Variants in USP39 observed in about 807,000 individuals in gnomAD.
The protein encoded by USP39 is ubiquitin carboxyl-terminal hydrolase 39.
Under a neutral mutation model 66.4 loss-of-function variants are expected in USP39, and 38 were observed. The ratio of observed to expected loss-of-function variants is 0.57; its 90% CI spans 0.44 to 0.75. The LOEUF is 0.75. Ranked by LOEUF, USP39 falls within the 30% of genes least tolerant of loss-of-function variation. The pLI is 0.00. For missense variants in USP39, 608 were observed against 714.4 expected (o/e 0.85, Z 1.70); for synonymous variants, 303 against 274.6 (o/e 1.10, Z -1.02).
upstream of USP39, among the ~76,000 whole-genome samples, chr2:85,613,305 G>C (rs374616778): frequency 6.6e-6 from 1 of 152,022 alleles, no homozygotes; most frequent in Admixed American, 6.6e-5. Context: ...TCAGGAGTTC[G>C]AGACTAGCCT....
In USP39 at chr2:85,604,980, G is replaced by A. The variant is rs147625340; in HGVS notation, n.226+1899G>A. On this transcript the variant is annotated intron_variant and non_coding_transcript_variant, in intron 1 of 12. Transcript: ENST00000459775. ...TAGAATTATCCCAGGATGGAGCTCC[G>A]TATGACAGAAGGGCTCTTCATAGGT... 5.3e-5 allele frequency among the ~76,000 whole-genome samples: 8 copies of A among 152,312 alleles called. No individual in the cohort carries two copies. In the East Asian group the frequency reaches 7.7e-4, roughly 15 times the overall value.
intron 2 of USP39, among the ~76,000 whole-genome samples, chr2:85,619,829 A>G (rs1271535940): frequency 6.6e-6 from 1 of 151,560 alleles, no homozygotes; most frequent in Non-Finnish European, 1.5e-5. Context: ...CAGAAATTTG[A>G]GACCAGCCTG....
chr2:85,626,131 G>C (rs1174364425), intron 5 of USP39, among the ~76,000 whole-genome samples: 1 of 151,924 alleles, frequency 6.6e-6, no homozygotes, highest in Non-Finnish European at 1.5e-5. Context: ...AGGCCAAGGC[G>C]GGAGGATCAC....
At chr2:85,639,060 G>A (rs1676021698) in intron 8 of USP39, 143 bp from the exon 9 acceptor site, 5 of 741,500 alleles carry the variant, frequency 6.7e-6, no homozygotes, top group East Asian at 2.8e-5. Context: ...ACCAGGTGGT[G>A]CATGCCAAAC....
chr2:85,626,401 G>A (rs550924042), intron 5 of USP39, among the ~76,000 whole-genome samples: 69 of 152,278 alleles, frequency 4.5e-4, no homozygotes, highest in Non-Finnish European at 9.4e-4. Context: ...AGTATAGTCA[G>A]ATGATCCTCA....
At chr2:85,611,154 G>T, upstream of USP39, 1 of 716,554 alleles carries the variant, frequency 1.4e-6, no homozygotes, top group Non-Finnish European at 1.8e-6. Context: ...GCTGCAGTAA[G>T]CCCAGATCGC....
At chr2:85,612,276 G>C, upstream of USP39, 1 of 1,522,196 alleles carries the variant, frequency 6.6e-7, no homozygotes, top group Non-Finnish European at 8.8e-7. Flanking sequence ...TCGGCTTACA[G>C]CTGATACCAG....
chr2:85,614,034 G>T (rs1010559505), upstream of USP39, among the ~76,000 whole-genome samples: 2 of 151,960 alleles, frequency 1.3e-5, no homozygotes, highest in Non-Finnish European at 2.9e-5. Flanking sequence ...CTCCCAAAGT[G>T]CTGGGATTAT....
chr2:85,649,048 C>G lies in USP39; in HGVS notation c.*240C>G. 1 of 541,866 alleles carries G rather than the reference C, an allele frequency of 1.8e-6. No homozygotes were observed. Among genetic ancestry groups the G allele is most frequent in the East Asian group, 3.2e-5 (1 of 31,488 alleles). The allele number at this position is 541,866 out of a possible 1,614,324, so 33.6% of individuals were successfully genotyped here. A position where few individuals can be genotyped will look rare whatever the true frequency, so the allele number is the denominator to read the frequency against. The stretch of plus-strand genomic sequence containing the variant: ...GCTCCTTTCTCCCATGCATTGAGCT[C>G]CCATCTAGCTTCAGCAGGGCAGAAC... On this transcript the variant is annotated 3_prime_UTR_variant, in exon 13 of 13. Transcript: ENST00000323701.
chr2:85,631,533 C>G (rs930436247), intron 6 of USP39, among the ~76,000 whole-genome samples: 2 of 151,968 alleles, frequency 1.3e-5, no homozygotes, highest in Non-Finnish European at 2.9e-5. Flanking sequence ...TGGTTAGGTT[C>G]TTCATTCTTC....
intron 1 of USP39, among the ~76,000 whole-genome samples, chr2:85,606,264 G>A (rs1001112481): frequency 6.6e-6 from 1 of 152,214 alleles, no homozygotes; most frequent in African/African-American, 2.4e-5. Context: ...TTAGTCTAAT[G>A]CTGTTGCCAC....
chr2:85,606,662 G>GA (rs1197462050), intron 1 of USP39: 8 of 151,896 alleles, frequency 5.3e-5, no homozygotes, highest in African/African-American at 1.7e-4. Context: ...AATTCCTCAA[G>GA]AAAAAAAGTT....
upstream of USP39, chr2:85,611,245 A>T: frequency 3.0e-6 from 4 of 1,349,810 alleles, no homozygotes; most frequent in East Asian, 3.1e-5. Flanking sequence ...AATAATGCTT[A>T]ACAAAAATTG....
chr2:85,630,774 T>A lies in USP39; in HGVS notation c.777T>A (p.Tyr259Ter). Residue 259 changes from tyrosine to a stop codon, truncating the protein, a stop_gained, in exon 6 of 13, where the codon TAT becomes TAA. Transcript: ENST00000323701. LOFTEE classifies it high-confidence loss of function. ...LRNYFLEEDN[Y>*]KNIKRPPGDI... ...ACTACTTTCTGGAAGAAGACAATTA[T>A]AAGAACATCAAACGTCCTCCAGGGG... is the stretch of plus-strand genomic sequence containing the variant. 1 of 1,614,200 alleles carries A rather than the reference T, an allele frequency of 6.2e-7. No individual in the cohort carries two copies. Among genetic ancestry groups the A allele is most frequent in the Non-Finnish European group, 8.5e-7 (1 of 1,180,040 alleles).
chr2:85,612,196 G>A (rs1558841590), upstream of USP39: 6 of 1,069,252 alleles, frequency 5.6e-6, no homozygotes, highest in Non-Finnish European at 8.0e-6. Context: ...TCCACCCCCC[G>A]GACGGAGGGC....
Position 85,616,192 on chromosome 2 carries a change from G to A in USP39, c.-4G>A, listed in dbSNP as rs759706117. The A allele has an allele frequency of 5.6e-6, 8 of 1,440,878 alleles. No homozygotes were observed. The Admixed American group carries it at 2.2e-4, about 40-fold the overall frequency. 89.3% of individuals were successfully genotyped at this position (1,440,878 alleles called of 1,614,324 possible). On this transcript the variant is annotated 5_prime_UTR_variant, in exon 1 of 13. Transcript: ENST00000323701. ...TGCGCTGGACGACTCGGCCGGTAGTGGAGATGTCCGGCCGGTCTAAGCGGG... is the reference window on the plus strand; with the variant it reads ...TGCGCTGGACGACTCGGCCGGTAGTAGAGATGTCCGGCCGGTCTAAGCGGG...
At chr2:85,626,658 TC>T (rs1674888222) in intron 5 of USP39, among the ~76,000 whole-genome samples, 1 of 152,166 alleles carries the variant, frequency 6.6e-6, no homozygotes, top group Admixed American at 6.5e-5. Flanking sequence ...AATGACTTTT[TC>T]CTGCCCATGT....
In USP39 at chr2:85,648,017, G is replaced by A. The variant is rs751797762; in HGVS notation, c.1650+1G>A. 5.6e-6 allele frequency: 9 copies of A among 1,614,092 alleles called. No homozygotes were observed. The highest frequency in any genetic ancestry group is 7.6e-6 in the Non-Finnish European group (9 of 1,180,022). On this transcript the variant is annotated splice_donor_variant, in intron 12 of 12. Transcript: ENST00000323701. LOFTEE classifies it high-confidence loss of function. ...CACACTGTCAGAGGCTTACATTCAG[G>A]TGGGTTGGCCACAGGCTTAGTGAGC...
upstream of USP39, chr2:85,609,032 C>G: frequency 6.2e-7 from 1 of 1,614,206 alleles, no homozygotes; most frequent in Non-Finnish European, 8.5e-7. Context: ...GCGTGTGTGC[C>G]GACACCTTCT....
Sources: gnomAD v4.1 joint callset for allele counts (sites outside exome capture counted in the v4.1 genomes callset) on GRCh38, gnomAD v4.1.1 for gene constraint, MANE v1.5 for transcripts, NCBI Gene and HGNC (gene_info 2026-07-23, HGNC 2026-07-21) for gene names.